Variants in MYT1L observed in about 807,000 individuals in gnomAD.
The protein encoded by MYT1L is myelin transcription factor 1-like protein.
Under a neutral mutation model 126.7 loss-of-function variants are expected in MYT1L, and 12 were observed. The ratio of observed to expected loss-of-function variants is 0.09; its 90% CI spans 0.06 to 0.15. The LOEUF (loss-of-function observed/expected upper bound fraction) is 0.15. Ranked by LOEUF, MYT1L falls within the 10% of genes least tolerant of loss-of-function variation. MYT1L has a pLI of 1.00. For missense variants in MYT1L, 979 were observed against 1,585.2 expected, an observed-to-expected ratio of 0.62 and a Z score of 6.49; for synonymous variants, 541 against 604.2, an observed-to-expected ratio of 0.90 and a Z score of 1.53.
In MYT1L at chr2:1,942,998, TTCCTCCTCC is replaced by T. The variant is rs148009982; in HGVS notation, c.480_488del (p.Glu165_Glu167del). On this transcript the variant is annotated inframe_deletion, in exon 9 of 25. Coordinates refer to ENST00000647738, the MANE Select transcript of MYT1L (RefSeq NM_001303052.2). The stretch of plus-strand genomic sequence containing the variant: ...AAAGATTACCGTTTTCTTCTTCCTC[TTCCTCCTCC>T]TCCTCCTCCTCCTCTTCCTCTTCTT... 61 of 1,529,794 alleles carry T rather than the reference TTCCTCCTCC, an allele frequency of 4.0e-5. No homozygotes were observed. Among genetic ancestry groups the T allele is most frequent in the South Asian group, 3.9e-4 (32 of 81,370 alleles). 94.8% of individuals were successfully genotyped at this position (1,529,794 alleles called of 1,614,324 possible).
Position 1,922,593 on chromosome 2 carries a change from C to A in MYT1L, c.1176G>T (p.Arg392=). The change falls in exon 10 of 25, where the codon CGG becomes CGT. Residue 392 remains arginine, a synonymous_variant. Coordinates refer to ENST00000647738, the MANE Select transcript of MYT1L (RefSeq NM_001303052.2). This position sits in a 1 kb window ranked among gnomAD's most constrained non-coding sequence, Gnocchi z 7.4. ...LMRLEEQLSP[R]SRVFASCAKE... ...TCGCACAGCTGGCAAACACTCTCGACCGGGGGCTCAACTGCTCCTCCAGCC... is the reference window on the plus strand; with the variant it reads ...TCGCACAGCTGGCAAACACTCTCGAACGGGGGCTCAACTGCTCCTCCAGCC... The A allele has an allele frequency of 1.2e-6, 2 of 1,614,010 alleles. No homozygotes were observed. Among genetic ancestry groups the A allele is most frequent in the Non-Finnish European group, 1.7e-6 (2 of 1,179,906 alleles).
At chr2:2,222,737 G>A (rs2093912842) in intron 2 of MYT1L, among the ~76,000 whole-genome samples, 1 of 151,978 alleles carries the variant, frequency 6.6e-6, no homozygotes, top group Admixed American at 6.6e-5. Flanking sequence ...TTGAGGAGAA[G>A]GAATCCTAAA....
At chr2:1,993,723 T>C (rs570041810) in intron 5 of MYT1L, among the ~76,000 whole-genome samples, 15 of 152,336 alleles carry the variant, frequency 9.8e-5, no homozygotes, top group Non-Finnish European at 1.9e-4. Context: ...ACTTTACCAT[T>C]AAAAAAGAAA....
At chr2:1,858,466 G>A (rs912107163) in intron 18 of MYT1L, among the ~76,000 whole-genome samples, 3 of 152,230 alleles carry the variant, frequency 2.0e-5, no homozygotes, top group Middle Eastern at 3.4e-3. Context: ...TTAAAAATAC[G>A]CTATAACAAC....
intron 8 of MYT1L, among the ~76,000 whole-genome samples, chr2:1,973,561 C>T (rs754246206): frequency 2.0e-4 from 30 of 152,146 alleles, no homozygotes; most frequent in African/African-American, 6.3e-4. Flanking sequence ...TGTTGACATG[C>T]GATATTTTAG....
intron 3 of MYT1L, among the ~76,000 whole-genome samples, chr2:2,084,101 T>C (rs556402214): frequency 2.0e-5 from 3 of 151,510 alleles, no homozygotes; most frequent in African/African-American, 2.4e-5. Flanking sequence ...AGTAAGCCCA[T>C]GTGCTGATGA....
intron 4 of MYT1L, among the ~76,000 whole-genome samples, chr2:2,025,613 T>C (rs1558775386): frequency 6.6e-6 from 1 of 152,196 alleles, no homozygotes; most frequent in East Asian, 1.9e-4. Flanking sequence ...AGTAATCAGA[T>C]TGTTTTAAGC....
Position 2,144,766 on chromosome 2 carries a change from T to C in MYT1L, c.-304+28106A>G, listed in dbSNP as rs181851440. On this transcript the variant is annotated intron_variant, in intron 3 of 24. Transcript: ENST00000647738. ...TAGAACGTTTACAATGTGCTTTAAA[T>C]GTTATTTTTAATAGACTTTCACAGG... Among the ~76,000 whole-genome samples the C allele has an allele frequency of 1.1e-3, 174 of 152,312 alleles. 1 individual carries two copies. The highest frequency in any genetic ancestry group is 3.6e-3 in the African/African-American group (148 of 41,568).
At position 1,910,784 on chromosome 2, in the gene MYT1L, T is replaced by C. The variant is rs1437135598; in HGVS notation, c.1710-437A>G. Among the ~76,000 whole-genome samples, 1 of 152,192 alleles carries C rather than the reference T, an allele frequency of 6.6e-6. No homozygotes were observed. The highest frequency in any genetic ancestry group is 6.5e-5 in the Admixed American group (1 of 15,284). On this transcript the variant is annotated intron_variant, in intron 12 of 24. Transcript: ENST00000647738. The surrounding 1 kb of genome is among the most constrained non-coding windows in gnomAD (Gnocchi z 4.8). Reference sequence around the variant, plus strand: ...CTCCAAGCTGATTTCCTAAATGCTATTGACTGTGGCGTCTGGGGGGCCTGT... The same window carrying C: ...CTCCAAGCTGATTTCCTAAATGCTACTGACTGTGGCGTCTGGGGGGCCTGT...
At chr2:2,093,478 T>A (rs1328097539) in intron 3 of MYT1L, among the ~76,000 whole-genome samples, 1 of 152,192 alleles carries the variant, frequency 6.6e-6, no homozygotes, top group Non-Finnish European at 1.5e-5. Flanking sequence ...TTTGGCTGCA[T>A]AAATGTCTTC....
At chr2:2,119,522 A>G (rs1289543393) in intron 3 of MYT1L, among the ~76,000 whole-genome samples, 1 of 152,246 alleles carries the variant, frequency 6.6e-6, no homozygotes, top group East Asian at 1.9e-4. Flanking sequence ...AGTTTTCAGA[A>G]TTAAATGATC....
chr2:1,876,245 G>T (rs921004053), intron 18 of MYT1L, among the ~76,000 whole-genome samples: 1 of 152,146 alleles, frequency 6.6e-6, no homozygotes, highest in Non-Finnish European at 1.5e-5. Context: ...CCTCTCGCTG[G>T]GGGTGGCAAC....
intron 13 of MYT1L, among the ~76,000 whole-genome samples, chr2:1,907,797 C>G (rs1477887399): frequency 6.6e-6 from 1 of 152,258 alleles, no homozygotes; most frequent in South Asian, 2.1e-4. Context: ...AAGAGCACCC[C>G]TACATGGAGA....
At chr2:2,023,606 G>A (rs1397690117) in intron 4 of MYT1L, among the ~76,000 whole-genome samples, 5 of 151,726 alleles carry the variant, frequency 3.3e-5, no homozygotes, top group African/African-American at 7.3e-5. Flanking sequence ...CTGCCCTGGC[G>A]GCACAAGGCT....
intron 3 of MYT1L, among the ~76,000 whole-genome samples, chr2:2,143,381 T>A (rs2084340543): frequency 6.6e-6 from 1 of 151,872 alleles, no homozygotes; most frequent in Non-Finnish European, 1.5e-5. Flanking sequence ...GAGGAGGCTG[T>A]GCCTGGGGCC....
chr2:2,009,899 T>G (rs2063661741), intron 4 of MYT1L, among the ~76,000 whole-genome samples: 2 of 84,416 alleles, frequency 2.4e-5, no homozygotes, highest in South Asian at 7.8e-4. Context: ...CTGTTAAGAG[T>G]TTTTTTTTTT....
intron 1 of MYT1L, among the ~76,000 whole-genome samples, chr2:2,315,015 C>A (rs1357156554): frequency 6.6e-6 from 1 of 152,164 alleles, no homozygotes; most frequent in Non-Finnish European, 1.5e-5. Context: ...ATATCTTATT[C>A]AAAAATTAAC....
chr2:2,292,504 C>T (rs1161403996), intron 1 of MYT1L, among the ~76,000 whole-genome samples: 1 of 152,142 alleles, frequency 6.6e-6, no homozygotes, highest in Admixed American at 6.5e-5. Context: ...TCAGCAGTGA[C>T]ACGGTTTCTG....
At chr2:1,890,332 CA>C (rs1210526082) in intron 15 of MYT1L, among the ~76,000 whole-genome samples, 1 of 152,142 alleles carries the variant, frequency 6.6e-6, no homozygotes, top group Non-Finnish European at 1.5e-5. Flanking sequence ...CTCAGCCCCT[CA>C]AAGTGCTGAG....
Sources: gnomAD v4.1 joint callset for allele counts (sites outside exome capture counted in the v4.1 genomes callset) on GRCh38, gnomAD v4.1.1 for gene constraint, Gnocchi (gnomAD v3.1) non-coding constraint, MANE v1.5 for transcripts, NCBI Gene and HGNC (gene_info 2026-07-23, HGNC 2026-07-21) for gene names.